The following CACNG3 variants were observed in gnomAD, a reference collection of about 807,000 sequenced individuals.
CACNG3 encodes the protein calcium voltage-gated channel auxiliary subunit gamma 3.
In CACNG3, 3 loss-of-function variants were observed where a neutral mutation model predicts 28.5. The ratio of observed to expected loss-of-function variants is 0.11; its 90% CI spans 0.05 to 0.27. The LOEUF (loss-of-function observed/expected upper bound fraction) is 0.27, where lower values mean the gene tolerates loss of function less well. Ranked by LOEUF, CACNG3 falls within the 10% of genes least tolerant of loss-of-function variation. The probability of loss-of-function intolerance (pLI) is 1.00; values close to 1 mark genes in which losing one functional copy is unlikely to be tolerated. For synonymous variants in CACNG3, 174 were observed against 162.2 expected (o/e 1.07, Z -0.55); for missense variants, 236 against 414.4 (o/e 0.57, Z 3.74).
At chr16:24,337,440 A>G (rs1031649124) in intron 1 of CACNG3, among the ~76,000 whole-genome samples, 1 of 152,036 alleles carries the variant, frequency 6.6e-6, no homozygotes, top group African/African-American at 2.4e-5. Context: ...AACACTCAAA[A>G]TAGGGACTCT....
At chr16:24,299,116 G>A (rs544885123) in intron 1 of CACNG3, among the ~76,000 whole-genome samples, 14 of 152,090 alleles carry the variant, frequency 9.2e-5, no homozygotes, top group Non-Finnish European at 1.9e-4. Flanking sequence ...TTAAGGAGTA[G>A]GAAATTAGGC....
At chr16:24,334,440 C>T (rs12444564) in intron 1 of CACNG3, among the ~76,000 whole-genome samples, 33,597 of 152,108 alleles carry the variant, frequency 0.22, 4,317 homozygotes, top group Admixed American at 0.35. Flanking sequence ...CTGTTAGATT[C>T]GTGGATTCAC....
intron 3 of CACNG3, among the ~76,000 whole-genome samples, chr16:24,360,662 C>T (rs926882481): frequency 3.5e-4 from 53 of 152,330 alleles, no homozygotes; most frequent in African/African-American, 1.3e-3. Context: ...TTCAAACCTC[C>T]TCTTTTATCT....
chr16:24,300,269 C>T (rs1899088078), intron 1 of CACNG3, among the ~76,000 whole-genome samples: 1 of 152,132 alleles, frequency 6.6e-6, no homozygotes, highest in Admixed American at 6.5e-5. Context: ...CCATAGACCT[C>T]ATGGGGGAGA....
chr16:24,359,407 GTC>G (rs1442226562), intron 3 of CACNG3, among the ~76,000 whole-genome samples: 1 of 152,126 alleles, frequency 6.6e-6, no homozygotes, highest in Non-Finnish European at 1.5e-5. Context: ...AGCTGGATGT[GTC>G]AAACCCCATA....
At chr16:24,340,673 A>T (rs1899773900) in intron 1 of CACNG3, among the ~76,000 whole-genome samples, 1 of 152,202 alleles carries the variant, frequency 6.6e-6, no homozygotes, top group Non-Finnish European at 1.5e-5. Flanking sequence ...TTCTCTCCCC[A>T]GGATGAAGCT....
intron 1 of CACNG3, among the ~76,000 whole-genome samples, chr16:24,264,220 C>T (rs1257168833): frequency 5.3e-5 from 8 of 152,242 alleles, no homozygotes; most frequent in Admixed American, 5.2e-4. Flanking sequence ...ACGAGGCTGC[C>T]TGGCCGAGGG....
intron 1 of CACNG3, among the ~76,000 whole-genome samples, chr16:24,286,832 A>G (rs1216898358): frequency 2.6e-5 from 4 of 152,202 alleles, no homozygotes; most frequent in Non-Finnish European, 5.9e-5. Flanking sequence ...TCCAAGACCT[A>G]CGCTCTTAAC....
At position 24,303,083 on chromosome 16, in the gene CACNG3, C is replaced by T. The variant is rs942142927; in HGVS notation, c.212-43651C>T. Among the ~76,000 whole-genome samples, 10 of 151,676 alleles carry T rather than the reference C, an allele frequency of 6.6e-5. No individual in the cohort carries two copies. The South Asian group carries it at 1.7e-3, about 25-fold the overall frequency. ...GGTTGGGATAACAGACGTGAACCACCGCACATGGCCTAATATTTTTTAACG... is the reference window on the plus strand; with the variant it reads ...GGTTGGGATAACAGACGTGAACCACTGCACATGGCCTAATATTTTTTAACG... On this transcript the variant is annotated intron_variant, in intron 1 of 3. Transcript: ENST00000005284.
intron 1 of CACNG3, among the ~76,000 whole-genome samples, chr16:24,287,699 A>G (rs916372331): frequency 6.6e-6 from 1 of 152,296 alleles, no homozygotes; most frequent in East Asian, 1.9e-4. Flanking sequence ...AGAATGCATC[A>G]TCATCTCCTT....
chr16:24,340,398 AAAAT>A (rs1157998877), intron 1 of CACNG3, among the ~76,000 whole-genome samples: 1 of 152,298 alleles, frequency 6.6e-6, no homozygotes, highest in Admixed American at 6.5e-5. Context: ...ACCCCGTCTC[AAAAT>A]AAATAAATAA....
intron 1 of CACNG3, among the ~76,000 whole-genome samples, chr16:24,264,334 C>T (rs16973466): frequency 0.024 from 3,702 of 152,234 alleles, 165 homozygotes; most frequent in African/African-American, 0.084. Flanking sequence ...AATAAATGTT[C>T]GCAGGGTACT....
At chr16:24,347,722 C>T (rs8047869) in intron 2 of CACNG3, among the ~76,000 whole-genome samples, 95,742 of 152,068 alleles carry the variant, frequency 0.63, 30,511 homozygotes, top group African/African-American at 0.72. Context: ...TGACATGAAC[C>T]GTCACAACTA....
rs141665437 is a variant in CACNG3, at chr16:24,337,707, C to T, written c.212-9027C>T. Among the ~76,000 whole-genome samples, 408 of 151,750 alleles carry T rather than the reference C, an allele frequency of 2.7e-3. 2 individuals carry two copies. Among genetic ancestry groups the T allele is most frequent in the African/African-American group, 9.6e-3 (396 of 41,462 alleles). The stretch of plus-strand genomic sequence containing the variant: ...ATTAAAAAATAGTTAAAAATACAAA[C>T]ATCCCATTTCTAGATTCCCTCCCCA... On this transcript the variant is annotated intron_variant, in intron 1 of 3. Coordinates refer to ENST00000005284, the MANE Select transcript of CACNG3 (RefSeq NM_006539.4).
rs1272807643 is a variant in CACNG3 at position 24,361,847 on chromosome 16, G to A, written c.932G>A (p.Arg311His). The A allele has an allele frequency of 1.9e-6, 3 of 1,607,840 alleles. No individual in the cohort carries two copies. The highest frequency in any genetic ancestry group is 2.5e-6 in the Non-Finnish European group (3 of 1,179,134). Residue 311 changes from arginine to histidine, a missense_variant, in exon 4 of 4, where the codon CGC becomes CAC. Around this residue, in one of 2 missense-constraint regions of CACNG3, gnomAD observed 116 missense variants for 151.0 expected, o/e 0.77. Transcript: ENST00000005284. This position sits in a 1 kb window ranked among gnomAD's most constrained non-coding sequence, Gnocchi z 6.8. ...ESLHNNPANR[R>H]TTPV ...CTGCATAATAATCCGGCCAACAGGC[G>A]CACCACGCCCGTCTGAACTGACCTC...
At chr16:24,299,364 A>G (rs1486910781) in intron 1 of CACNG3, among the ~76,000 whole-genome samples, 1 of 152,072 alleles carries the variant, frequency 6.6e-6, no homozygotes, top group Non-Finnish European at 1.5e-5. Context: ...GTCCCTTTGA[A>G]GCAGCCCCCA....
chr16:24,269,746 C>CAAAAAAAAAAAAAAAAAAAAAAAAAAAA (rs1163565728), intron 1 of CACNG3, among the ~76,000 whole-genome samples: 1 of 71,080 alleles, frequency 1.4e-5, no homozygotes, highest in Non-Finnish European at 2.9e-5. Context: ...GACTCCATCT[C>CAAAAAAAAAAAAAAAAAAAAAAAAAAAA]AAAAAAAAAA....
At chr16:24,277,562 G>C (rs187669930) in intron 1 of CACNG3, among the ~76,000 whole-genome samples, 1 of 152,202 alleles carries the variant, frequency 6.6e-6, no homozygotes, top group East Asian at 1.9e-4. Context: ...ATCACTTGAG[G>C]TCAGGAGTTC....
At chr16:24,351,827 CTCTCTTT>C (rs1045224941) in intron 2 of CACNG3, among the ~76,000 whole-genome samples, 1 of 127,178 alleles carries the variant, frequency 7.9e-6, no homozygotes, top group African/African-American at 3.4e-5. Context: ...TTCTCTCTCT[CTCTCTTT>C]TTTTTTTTTT....
Sources: gnomAD v4.1 joint callset for allele counts (sites outside exome capture counted in the v4.1 genomes callset) on GRCh38, gnomAD v4.1.1 for gene constraint, gnomAD v4.1.1 regional missense constraint, Gnocchi (gnomAD v3.1) non-coding constraint, MANE v1.5 for transcripts, NCBI Gene and HGNC (gene_info 2026-07-23, HGNC 2026-07-21) for gene names.